The following KLHL32 variants were observed in gnomAD, a reference collection of about 807,000 sequenced individuals.
The protein encoded by KLHL32 is kelch like family member 32.
KLHL32 carries 35 observed loss-of-function variants against 64.8 expected under a neutral mutation model. The observed-to-expected ratio is 0.54, with a 90% confidence interval of 0.41 to 0.72. The LOEUF (loss-of-function observed/expected upper bound fraction) is 0.72. KLHL32 is among the 30% of genes least tolerant of loss of function. The pLI is 0.00. For missense variants in KLHL32, 589 were observed against 768.5 expected, an observed-to-expected ratio of 0.77 and a Z score of 2.76; for synonymous variants, 259 against 281.0, an observed-to-expected ratio of 0.92 and a Z score of 0.78.
chr6:97,069,816 TC>T (rs1790416127), intron 5 of KLHL32, among the ~76,000 whole-genome samples: 1 of 152,164 alleles, frequency 6.6e-6, no homozygotes. Context: ...AAAAATACTT[TC>T]TTCGGGGATT....
At chr6:97,039,089 CA>C (rs535614966) in intron 3 of KLHL32, among the ~76,000 whole-genome samples, 929 of 75,038 alleles carry the variant, frequency 0.012, 1 homozygote, top group Non-Finnish European at 0.019. Flanking sequence ...GACTCTGTCT[CA>C]AAAAAAAAAA....
At chr6:97,026,211 G>A (rs766789856) in intron 3 of KLHL32, among the ~76,000 whole-genome samples, 1 of 152,082 alleles carries the variant, frequency 6.6e-6, no homozygotes, top group South Asian at 2.1e-4. Context: ...TTTATAAGAT[G>A]TAGAGACTTT....
intron 5 of KLHL32, among the ~76,000 whole-genome samples, chr6:97,078,768 T>C (rs1792006939): frequency 6.6e-6 from 1 of 152,208 alleles, no homozygotes; most frequent in South Asian, 2.1e-4. Context: ...AAACACCTAT[T>C]TTTAAGATGA....
intron 4 of KLHL32, among the ~76,000 whole-genome samples, chr6:97,063,282 A>C (rs1789201773): frequency 1.3e-5 from 2 of 152,214 alleles, no homozygotes; most frequent in Non-Finnish European, 2.9e-5. Context: ...ACTATTTTGA[A>C]GATAGAACCA....
At chr6:97,003,174 T>C (rs1779248828) in intron 3 of KLHL32, among the ~76,000 whole-genome samples, 1 of 152,324 alleles carries the variant, frequency 6.6e-6, no homozygotes, top group South Asian at 2.1e-4. Flanking sequence ...TTTCTGACTT[T>C]TTAATAATAG....
At chr6:97,084,488 A>G (rs971355535) in intron 5 of KLHL32, among the ~76,000 whole-genome samples, 3 of 152,212 alleles carry the variant, frequency 2.0e-5, no homozygotes, top group African/African-American at 7.2e-5. Context: ...TCTGAGGCTG[A>G]GAAAAAAACA....
intron 3 of KLHL32, among the ~76,000 whole-genome samples, chr6:97,009,415 G>A (rs1004590568): frequency 6.6e-6 from 1 of 152,008 alleles, no homozygotes; most frequent in Non-Finnish European, 1.5e-5. Flanking sequence ...GGCTCTCTGG[G>A]CACCTAAAAC....
intron 7 of KLHL32, among the ~76,000 whole-genome samples, chr6:97,126,028 C>T (rs1183674551): frequency 6.6e-6 from 1 of 152,070 alleles, no homozygotes; most frequent in Non-Finnish European, 1.5e-5. Flanking sequence ...CAGGAAGCAA[C>T]CTATTTAGTT....
At chr6:97,009,146 A>C (rs1319649560) in intron 3 of KLHL32, among the ~76,000 whole-genome samples, 3 of 151,276 alleles carry the variant, frequency 2.0e-5, no homozygotes, top group Non-Finnish European at 4.4e-5. Context: ...GTTGCAAACC[A>C]AGGGTCTGAA....
intron 3 of KLHL32, among the ~76,000 whole-genome samples, chr6:96,989,159 T>C (rs1777537136): frequency 6.6e-6 from 1 of 152,236 alleles, no homozygotes; most frequent in African/African-American, 2.4e-5. Context: ...TAGCTGGTTA[T>C]TATGCAGACT....
intron 8 of KLHL32, among the ~76,000 whole-genome samples, chr6:97,130,441 C>A (rs1336528642): frequency 6.6e-6 from 1 of 152,156 alleles, no homozygotes; most frequent in Non-Finnish European, 1.5e-5. Context: ...TGAGTAAATT[C>A]TCTGAATTGG....
chr6:96,967,085 T>A lies in KLHL32; in HGVS notation c.23+2T>A. The A allele has an allele frequency of 1.2e-6, 2 of 1,613,584 alleles. No homozygotes were observed. Among genetic ancestry groups the A allele is most frequent in the South Asian group, 1.1e-5 (1 of 91,034 alleles). ...AATGCCGTCTGAACGCTGCCTCAGG[T>A]ATGCCCTGTAGGATATGTCCTCACA... On this transcript the variant is annotated splice_donor_variant, in intron 2 of 10. Transcript: ENST00000369261. LOFTEE classifies it high-confidence loss of function.
Position 97,114,509 on chromosome 6 carries a change from G to C in KLHL32, c.1354G>C (p.Gly452Arg). The C allele has an allele frequency of 6.2e-7, 1 of 1,613,268 alleles. No individual in the cohort carries two copies. The highest frequency in any genetic ancestry group is 8.5e-7 in the Non-Finnish European group (1 of 1,180,004). The part of the protein sequence containing the change: ...YVADGLLWIS[G>R]GVTNTAQYQN... ...GGCTGATGGTCTTCTTTGGATATCA[G>C]GTAGAACATACCTCATGTTGGATTT... is the stretch of plus-strand genomic sequence containing the variant. Residue 452 changes from glycine (G) to arginine (R), a missense_variant and splice_region_variant, in exon 7 of 11, where the codon GGT (glycine) becomes CGT (arginine). By Grantham distance (125) the Gly-to-Arg change is moderately radical. Coordinates refer to ENST00000369261, the MANE Select transcript of KLHL32 (RefSeq NM_052904.4).
At chr6:96,924,372 G>T (rs899364086), upstream of KLHL32, among the ~76,000 whole-genome samples, 1 of 152,040 alleles carries the variant, frequency 6.6e-6, no homozygotes, top group East Asian at 1.9e-4. Context: ...TGTGACCCAG[G>T]GGCCGGCGAC....
intron 3 of KLHL32, among the ~76,000 whole-genome samples, chr6:97,023,735 A>G (rs1361696303): frequency 6.6e-6 from 1 of 152,200 alleles, no homozygotes; most frequent in Non-Finnish European, 1.5e-5. Flanking sequence ...CTACATGGAT[A>G]GTATCACCTG....
intron 5 of KLHL32, among the ~76,000 whole-genome samples, chr6:97,071,679 A>G (rs1174095440): frequency 6.6e-6 from 1 of 152,104 alleles, no homozygotes; most frequent in Non-Finnish European, 1.5e-5. Flanking sequence ...TAGTCACTCA[A>G]ACCTTGGCAT....
At chr6:97,056,373 G>A (rs1035972098) in intron 4 of KLHL32, among the ~76,000 whole-genome samples, 1 of 152,006 alleles carries the variant, frequency 6.6e-6, no homozygotes, top group African/African-American at 2.4e-5. Context: ...CCAAAGTGCT[G>A]GGATTACAAA....
At chr6:96,983,950 T>C (rs1776679800) in intron 3 of KLHL32, among the ~76,000 whole-genome samples, 1 of 152,190 alleles carries the variant, frequency 6.6e-6, no homozygotes, top group Non-Finnish European at 1.5e-5. Flanking sequence ...CTTGCTTCTC[T>C]AGTTCTTTTA....
At chr6:96,954,248 A>G (rs772373558) in intron 1 of KLHL32, among the ~76,000 whole-genome samples, 1 of 151,652 alleles carries the variant, frequency 6.6e-6, no homozygotes, top group Admixed American at 6.6e-5. Context: ...CTTTAAAAAA[A>G]TGATAATTTG....
Sources: gnomAD v4.1 joint callset for allele counts (sites outside exome capture counted in the v4.1 genomes callset) on GRCh38, gnomAD v4.1.1 for gene constraint, MANE v1.5 for transcripts, NCBI Gene and HGNC (gene_info 2026-07-23, HGNC 2026-07-21) for gene names.